HECTD2: variants seen among roughly 807,000 people sequenced by gnomAD.
HECTD2 encodes the protein HECT domain E3 ubiquitin protein ligase 2, also known as probable E3 ubiquitin-protein ligase HECTD2.
HECTD2 carries 35 observed loss-of-function variants against 103.2 expected under a neutral mutation model. The ratio of observed to expected loss-of-function variants is 0.34; its 90% CI spans 0.26 to 0.45. HECTD2 has a LOEUF of 0.45. HECTD2 is among the 20% of genes least tolerant of loss of function. The probability of loss-of-function intolerance (pLI) is 1.00; values close to 1 mark genes in which losing one functional copy is unlikely to be tolerated. For missense variants in HECTD2, 596 were observed against 937.4 expected, an observed-to-expected ratio of 0.64 and a Z score of 4.76; for synonymous variants, 281 against 329.9, an observed-to-expected ratio of 0.85 and a Z score of 1.61.
At chr10:91,435,446 G>A (rs1844075434) in intron 2 of HECTD2, among the ~76,000 whole-genome samples, 1 of 151,938 alleles carries the variant, frequency 6.6e-6, no homozygotes, top group South Asian at 2.1e-4. Flanking sequence ...GGCAAGCCAG[G>A]AATAAGAAGT....
intron 8 of HECTD2, 47 bp from the exon 9 acceptor site, chr10:91,484,460 A>G: frequency 6.3e-7 from 1 of 1,578,062 alleles, no homozygotes; most frequent in South Asian, 1.2e-5. Context: ...AATTTTGGAA[A>G]TAGAAAATGT....
intron 2 of HECTD2, among the ~76,000 whole-genome samples, chr10:91,434,841 T>C (rs1305253086): frequency 6.6e-6 from 1 of 152,026 alleles, no homozygotes; most frequent in Non-Finnish European, 1.5e-5. Flanking sequence ...CTCTCTGTGC[T>C]TATTTTCTCA....
Position 91,410,365 on chromosome 10 carries a change from C to G in HECTD2, c.-74C>G. On this transcript the variant is annotated 5_prime_UTR_variant, in exon 1 of 21. Coordinates refer to ENST00000298068, the MANE Select transcript of HECTD2 (RefSeq NM_182765.6). ...GCCCAGAGCCCTCTCGCGGCCGCGG[C>G]GGCAGCAGCAGCGCCAGCCCCAGCA... 2 of 998,928 alleles carry G rather than the reference C, an allele frequency of 2.0e-6. No individual in the cohort carries two copies. Among genetic ancestry groups the G allele is most frequent in the South Asian group, 3.8e-5 (1 of 26,434 alleles). The allele number at this position is 998,928 out of a possible 1,614,324, so 61.9% of individuals were successfully genotyped here. A position where few individuals can be genotyped will look rare whatever the true frequency, so the allele number is the denominator to read the frequency against.
intron 2 of HECTD2, among the ~76,000 whole-genome samples, chr10:91,439,503 C>T (rs563894146): frequency 4.6e-5 from 7 of 151,720 alleles, no homozygotes; most frequent in Admixed American, 1.3e-4. Context: ...GTATAGTTTG[C>T]AGTCAGGTAG....
chr10:91,503,689 G>C (rs1044647255), intron 20 of HECTD2, among the ~76,000 whole-genome samples: 8 of 152,202 alleles, frequency 5.3e-5, no homozygotes, highest in Admixed American at 1.3e-4. Flanking sequence ...AGGCGGCAGC[G>C]AGGCTGGGGG....
intron 1 of HECTD2, among the ~76,000 whole-genome samples, chr10:91,420,595 A>G (rs1039507859): frequency 1.3e-5 from 2 of 151,848 alleles, no homozygotes; most frequent in Non-Finnish European, 2.9e-5. Flanking sequence ...CTCAAAAGAA[A>G]AAAAAAAAAA....
In HECTD2 at chr10:91,410,589, C is replaced by A; in HGVS notation, c.138+13C>A. The A allele has an allele frequency of 1.6e-6, 2 of 1,271,014 alleles. No homozygotes were observed. Among genetic ancestry groups the A allele is most frequent in the South Asian group, 1.8e-5 (1 of 55,006 alleles). 78.7% of individuals were successfully genotyped at this position (1,271,014 alleles called of 1,614,324 possible). A position where few individuals can be genotyped will look rare whatever the true frequency, so the allele number is the denominator to read the frequency against. On this transcript the variant is annotated intron_variant, in intron 1 of 20. Coordinates refer to ENST00000298068, the MANE Select transcript of HECTD2 (RefSeq NM_182765.6). ...CGGCGCGACCGCGGTAGGTGGTGGG[C>A]CGGGGCCGTCTGGCGCCCCGGACGG... is the stretch of plus-strand genomic sequence containing the variant.
At chr10:91,478,611 C>T (rs1040571435) in intron 6 of HECTD2, among the ~76,000 whole-genome samples, 1 of 152,062 alleles carries the variant, frequency 6.6e-6, no homozygotes. Flanking sequence ...CTTGGGCTTC[C>T]TGGTAGCCAG....
chr10:91,418,922 C>T (rs1843240003), intron 1 of HECTD2, among the ~76,000 whole-genome samples: 1 of 152,130 alleles, frequency 6.6e-6, no homozygotes, highest in Non-Finnish European at 1.5e-5. Context: ...GGAAGCTACT[C>T]ATTCTTTTGA....
In HECTD2 at chr10:91,476,582, C is replaced by T. The variant is rs140310907; in HGVS notation, c.601-1619C>T. Among the ~76,000 whole-genome samples the T allele has an allele frequency of 3.8e-3, 581 of 152,246 alleles. 3 individuals carry two copies. Among genetic ancestry groups the T allele is most frequent in the African/African-American group, 0.013 (555 of 41,562 alleles). ...AGGCCAGAGCCCAGGCAGGATATGG[C>T]GCAATGCCACCACCGCAGGCATCCG... On this transcript the variant is annotated intron_variant, in intron 5 of 20. Coordinates refer to ENST00000298068, the MANE Select transcript of HECTD2 (RefSeq NM_182765.6).
chr10:91,498,774 A>AG (rs1376545330), intron 16 of HECTD2, 98 bp from the exon 17 acceptor site: 2 of 664,000 alleles, frequency 3.0e-6, no homozygotes, highest in Non-Finnish European at 5.3e-6. Flanking sequence ...TTTAGAAGGA[A>AG]GGGGGAAAAA....
At chr10:91,456,775 T>C (rs545681334) in intron 2 of HECTD2, among the ~76,000 whole-genome samples, 2 of 152,108 alleles carry the variant, frequency 1.3e-5, no homozygotes, top group South Asian at 2.1e-4. Flanking sequence ...TCAAAACAAA[T>C]ATCTAAGCCT....
rs543385536 is a variant in HECTD2 at position 91,462,294 on chromosome 10, A to G, written c.600+110A>G. On this transcript the variant is annotated intron_variant, in intron 5 of 20. Coordinates refer to ENST00000298068, the MANE Select transcript of HECTD2 (RefSeq NM_182765.6). ...TTATAATTACCTTAGAAACTCTGAT[A>G]CAATTTTATAGTAAATGTAGCTGGA... 16 of 1,229,786 alleles carry G rather than the reference A, an allele frequency of 1.3e-5. No homozygotes were observed. In the East Asian group the frequency reaches 4.2e-4, roughly 32 times the overall value. 76.2% of individuals were successfully genotyped at this position (1,229,786 alleles called of 1,614,324 possible).
intron 2 of HECTD2, among the ~76,000 whole-genome samples, chr10:91,440,513 A>T (rs1844368107): frequency 6.6e-6 from 1 of 151,516 alleles, no homozygotes; most frequent in African/African-American, 2.4e-5. Context: ...ATCCATGTTC[A>T]TCAGGGATAT....
chr10:91,493,603 T>A, intron 14 of HECTD2, 95 bp downstream of exon 14: 1 of 631,328 alleles, frequency 1.6e-6, no homozygotes, highest in Non-Finnish European at 2.7e-6. Context: ...TTAGCCATTT[T>A]ATCCAAATTA....
At chr10:91,471,207 C>T (rs757516932) in intron 5 of HECTD2, among the ~76,000 whole-genome samples, 20 of 152,172 alleles carry the variant, frequency 1.3e-4, no homozygotes, top group Non-Finnish European at 2.5e-4. Context: ...CGTAACAGAA[C>T]TAAACACAAA....
intron 20 of HECTD2, among the ~76,000 whole-genome samples, chr10:91,503,800 CTG>C (rs933523781): frequency 4.1e-4 from 62 of 152,346 alleles, no homozygotes; most frequent in African/African-American, 1.4e-3. Flanking sequence ...CTGCCTGCCT[CTG>C]TAGGCTCCAC....
chr10:91,486,161 T>C (rs1235870962), intron 10 of HECTD2: 1 of 152,102 alleles, frequency 6.6e-6, no homozygotes, highest in African/African-American at 2.4e-5. Flanking sequence ...GTAAATTGGT[T>C]AAACTTTCCA....
At chr10:91,456,086 G>A (rs1314386970) in intron 2 of HECTD2, among the ~76,000 whole-genome samples, 2 of 152,164 alleles carry the variant, frequency 1.3e-5, no homozygotes, top group Non-Finnish European at 2.9e-5. Context: ...GAACTTTAAA[G>A]TAGTTTTTTC....
Sources: allele counts gnomAD v4.1 joint callset (sites outside exome capture counted in the v4.1 genomes callset), GRCh38; gene constraint gnomAD v4.1.1; transcripts MANE v1.5; gene names NCBI Gene and HGNC (gene_info 2026-07-23, HGNC 2026-07-21).